FAM177B: variants seen among roughly 807,000 people sequenced by gnomAD.
FAM177B encodes protein FAM177B.
In FAM177B, 16 loss-of-function variants were observed where a neutral mutation model predicts 16.1. That is an observed-to-expected ratio of 0.99 (90% confidence interval 0.67 to 1.51). The LOEUF is 1.51. FAM177B is among the 40% of genes most tolerant of loss of function. The pLI is 0.00. For missense variants in FAM177B, 178 were observed against 183.7 expected (o/e 0.97, Z 0.18); for synonymous variants, 56 against 59.9 (o/e 0.93, Z 0.30).
At chr1:222,740,612 T>G (rs1463314142) in intron 2 of FAM177B, among the ~76,000 whole-genome samples, 1 of 152,216 alleles carries the variant, frequency 6.6e-6, no homozygotes, top group Admixed American at 6.5e-5. Context: ...TACTTAGAAT[T>G]CTGTCAGCTC....
Position 222,746,622 on chromosome 1 carries a change from T to C in FAM177B, c.77T>C (p.Ile26Thr). ...PSKKTTPKRI[I>T]HFVDGDIMEE... Reference sequence around the variant, plus strand: ...AAAAAGACTACTCCTAAAAGGATTATCCATTTTGTTGACGGAGACATCATG... The same window carrying C: ...AAAAAGACTACTCCTAAAAGGATTACCCATTTTGTTGACGGAGACATCATG... Residue 26 changes from isoleucine to threonine, a missense_variant, in exon 3 of 6, where the codon ATC becomes ACC. By Grantham distance (89) the Ile-to-Thr change is moderately conservative. Coordinates refer to ENST00000445590, the MANE Select transcript of FAM177B (RefSeq NM_001394345.1). 1 of 1,611,882 alleles carries C rather than the reference T, an allele frequency of 6.2e-7. No homozygotes were observed. The highest frequency in any genetic ancestry group is 8.5e-7 in the Non-Finnish European group (1 of 1,177,930).
At chr1:222,738,628 T>C (rs1170434280) in intron 2 of FAM177B, among the ~76,000 whole-genome samples, 1 of 145,570 alleles carries the variant, frequency 6.9e-6, no homozygotes, top group African/African-American at 2.6e-5. Context: ...GTTGCACCAC[T>C]GCACCACTCC....
chr1:222,740,278 C>A (rs1234012530), intron 2 of FAM177B, among the ~76,000 whole-genome samples: 2 of 152,158 alleles, frequency 1.3e-5, no homozygotes, highest in Non-Finnish European at 2.9e-5. Context: ...TATATTCAAT[C>A]ATGTTTGCAT....
intron 2 of FAM177B, among the ~76,000 whole-genome samples, chr1:222,742,804 G>A (rs1279659572): frequency 4.1e-5 from 4 of 97,842 alleles, no homozygotes; most frequent in Admixed American, 1.9e-4. Context: ...ACTATGCGAC[G>A]ATATTTTTTT....
At chr1:222,738,952 C>T (rs148765105) in intron 2 of FAM177B, among the ~76,000 whole-genome samples, 1 of 152,338 alleles carries the variant, frequency 6.6e-6, no homozygotes, top group East Asian at 1.9e-4. Flanking sequence ...CTCCACTCCC[C>T]TCCAACCTCC....
chr1:222,748,833 A>G (rs1291949612), intron 4 of FAM177B: 2 of 344,478 alleles, frequency 5.8e-6, no homozygotes, highest in East Asian at 7.9e-5. Flanking sequence ...AGAAAGTCCT[A>G]TAATTCAGGG....
At chr1:222,744,598 A>G (rs1294941848) in intron 2 of FAM177B, among the ~76,000 whole-genome samples, 1 of 152,132 alleles carries the variant, frequency 6.6e-6, no homozygotes, top group East Asian at 1.9e-4. Flanking sequence ...ATTAAACACC[A>G]TTTGCTAAGA....
chr1:222,748,599 T>A (rs1010020953), intron 4 of FAM177B, among the ~76,000 whole-genome samples: 1 of 152,192 alleles, frequency 6.6e-6, no homozygotes, highest in African/African-American at 2.4e-5. Flanking sequence ...GTAATTAATT[T>A]TTTCAATTTA....
At chr1:222,749,661 A>G (rs1036255375) in intron 5 of FAM177B, 99 bp downstream of exon 5, 4 of 741,032 alleles carry the variant, frequency 5.4e-6, no homozygotes, top group Admixed American at 2.6e-5. Flanking sequence ...ACCTGGTCAT[A>G]TGTACTATAA....
rs1658997668 is a variant in FAM177B, at chr1:222,750,370, T to G, written c.*312T>G. ...CATTTGCACAGTAGCATAAATGCCTTAAGGAACTTTGGGACTGGGAGTTTT... is the reference window on the plus strand; with the variant it reads ...CATTTGCACAGTAGCATAAATGCCTGAAGGAACTTTGGGACTGGGAGTTTT... On this transcript the variant is annotated 3_prime_UTR_variant, in exon 6 of 6. Transcript: ENST00000445590. 9.4e-7 allele frequency: 1 copy of G among 1,068,636 alleles called. No individual in the cohort carries two copies. Among genetic ancestry groups the G allele is most frequent in the African/African-American group, 1.7e-5 (1 of 59,822 alleles). 66.2% of individuals were successfully genotyped at this position (1,068,636 alleles called of 1,614,324 possible). A position where few individuals can be genotyped will look rare whatever the true frequency, so the allele number is the denominator to read the frequency against.
At chr1:222,743,758 G>T (rs1222357383) in intron 2 of FAM177B, among the ~76,000 whole-genome samples, 1 of 152,114 alleles carries the variant, frequency 6.6e-6, no homozygotes, top group Non-Finnish European at 1.5e-5. Flanking sequence ...ATATTTTATA[G>T]ATAAGATAGT....
intron 4 of FAM177B, 56 bp downstream of exon 4, chr1:222,747,137 GC>G: frequency 8.5e-7 from 1 of 1,176,130 alleles, no homozygotes; most frequent in South Asian, 1.2e-5. Context: ...ATATCGATAG[GC>G]CCTCAGAGTA....
chr1:222,748,215 G>T (rs541493065), intron 4 of FAM177B, among the ~76,000 whole-genome samples: 1 of 152,060 alleles, frequency 6.6e-6, no homozygotes, highest in Admixed American at 6.6e-5. Flanking sequence ...ACCACAATAA[G>T]TTAACAGAAA....
chr1:222,741,194 G>T (rs1436957464), intron 2 of FAM177B, among the ~76,000 whole-genome samples: 1 of 150,934 alleles, frequency 6.6e-6, no homozygotes, highest in Non-Finnish European at 1.5e-5. Context: ...GAGTAGCTGC[G>T]ACTACAGGCA....
chr1:222,741,931 T>TC (rs1658569565), intron 2 of FAM177B, among the ~76,000 whole-genome samples: 5 of 119,948 alleles, frequency 4.2e-5, no homozygotes, highest in African/African-American at 1.4e-4. Flanking sequence ...TCTCTCTCTC[T>TC]TTCTTTCTTT....
rs1422652805 is a variant in FAM177B at position 222,737,942 on chromosome 1, A to T, written c.-95A>T. On this transcript the variant is annotated 5_prime_UTR_variant, in exon 2 of 6. Coordinates refer to ENST00000445590, the MANE Select transcript of FAM177B (RefSeq NM_001394345.1). ...TGTGATTAAAGAAGAACCAAGAATG[A>T]CTTTAGTGTTGTTGGCCTGAGCAAC... 6.6e-6 allele frequency: 1 copy of T among 152,164 alleles called. No individual in the cohort carries two copies. The highest frequency in any genetic ancestry group is 1.9e-4 in the East Asian group (1 of 5,192). 9.4% of individuals were successfully genotyped at this position (152,164 alleles called of 1,614,324 possible).
In FAM177B at chr1:222,746,701, A is replaced by G. The variant is rs1658815075; in HGVS notation, c.156A>G (p.Thr52=). Reference sequence around the variant, plus strand: ...AAGAGGAAAAGGAGGAGCAGAGCACAAATTCAACACTTGACCCTGTAAGCT... The same window carrying G: ...AAGAGGAAAAGGAGGAGCAGAGCACGAATTCAACACTTGACCCTGTAAGCT... ...EEEEEKEEQS[T]NSTLDPSKLS... Residue 52 remains threonine, a synonymous_variant, in exon 3 of 6, where the codon ACA becomes ACG. Coordinates refer to ENST00000445590, the MANE Select transcript of FAM177B (RefSeq NM_001394345.1). The G allele has an allele frequency of 6.2e-7, 1 of 1,611,856 alleles. No homozygotes were observed. Among genetic ancestry groups the G allele is most frequent in the Admixed American group, 1.7e-5 (1 of 59,776 alleles).
Position 222,746,714 on chromosome 1 carries a change from G to T in FAM177B, c.169G>T (p.Asp57Tyr). ...KEEQSTNSTLDPSKLSWGPYL... is the reference protein window; with the variant it reads ...KEEQSTNSTLYPSKLSWGPYL... Reference sequence around the variant, plus strand: ...GGAGCAGAGCACAAATTCAACACTTGACCCTGTAAGCTTAGTATATCAATA... The same window carrying T: ...GGAGCAGAGCACAAATTCAACACTTTACCCTGTAAGCTTAGTATATCAATA... Residue 57 changes from aspartate to tyrosine, a missense_variant, in exon 3 of 6, where the codon GAC becomes TAC. By Grantham distance (160) the Asp-to-Tyr change is radical. Transcript: ENST00000445590. 5 of 1,607,788 alleles carry T rather than the reference G, an allele frequency of 3.1e-6. No homozygotes were observed. Among genetic ancestry groups the T allele is most frequent in the South Asian group, 1.1e-5 (1 of 90,312 alleles).
chr1:222,739,767 C>G (rs1658441756), intron 2 of FAM177B: 3 of 152,156 alleles, frequency 2.0e-5, no homozygotes, highest in Non-Finnish European at 4.4e-5. Context: ...TTTCTAACAT[C>G]AAAATTTGTA....
Sources: gnomAD v4.1 joint callset for allele counts (sites outside exome capture counted in the v4.1 genomes callset) on GRCh38, gnomAD v4.1.1 for gene constraint, MANE v1.5 for transcripts, NCBI Gene and HGNC (gene_info 2026-07-23, HGNC 2026-07-21) for gene names.